Variants in MLIP observed in about 807,000 individuals in gnomAD.
The protein encoded by MLIP is muscular LMNA interacting protein, also known as muscular LMNA-interacting protein.
MLIP carries 79 observed loss-of-function variants against 84.8 expected under a neutral mutation model. That is an observed-to-expected ratio of 0.93 (90% CI 0.78 to 1.12). The LOEUF (loss-of-function observed/expected upper bound fraction) is 1.12, where lower values mean the gene tolerates loss of function less well. Ranked by LOEUF, MLIP falls within the 50% of genes most tolerant of loss-of-function variation. The pLI is 0.00. For synonymous variants in MLIP, 504 were observed against 463.0 expected, an observed-to-expected ratio of 1.09 and a Z score of -1.14; for missense variants, 1,257 against 1,160.6, an observed-to-expected ratio of 1.08 and a Z score of -1.21.
chr6:54,211,805 G>A (rs963759848), intron 11 of MLIP, among the ~76,000 whole-genome samples: 7 of 152,166 alleles, frequency 4.6e-5, no homozygotes, highest in Admixed American at 1.3e-4. Flanking sequence ...AATAATGCTG[G>A]CATTGAGAAA....
intron 9 of MLIP, among the ~76,000 whole-genome samples, chr6:54,175,883 T>C (rs1325256808): frequency 6.6e-6 from 1 of 152,018 alleles, no homozygotes. Context: ...ATATATGGCT[T>C]TTATTATGTT....
At chr6:54,090,713 G>C (rs1033508083) in intron 1 of MLIP, among the ~76,000 whole-genome samples, 16 of 149,312 alleles carry the variant, frequency 1.1e-4, no homozygotes, top group Admixed American at 5.4e-4. Flanking sequence ...GAGAGAGAGG[G>C]ACACACACAC....
At chr6:54,175,466 G>T (rs956452549) in intron 9 of MLIP, among the ~76,000 whole-genome samples, 1 of 151,524 alleles carries the variant, frequency 6.6e-6, no homozygotes, top group Admixed American at 6.6e-5. Flanking sequence ...TCACTTCTTC[G>T]GTTAAGTGAA....
At chr6:54,194,223 T>TG (rs1778138910) in intron 10 of MLIP, among the ~76,000 whole-genome samples, 1 of 152,158 alleles carries the variant, frequency 6.6e-6, no homozygotes, top group East Asian at 1.9e-4. Context: ...CTCATCTTTC[T>TG]GAGGGCCCTT....
chr6:54,132,046 C>T lies in MLIP; in HGVS notation c.646-4669C>T, dbSNP rs1017380382. On this transcript the variant is annotated intron_variant, in intron 3 of 13. Transcript: ENST00000502396. ...ATTCATATTATGGCAATGTTCTGCA[C>T]GTAACAAGCCAGTAAGCCTCAATGC... 5.9e-5 allele frequency among the ~76,000 whole-genome samples: 9 copies of T among 152,098 alleles called. No homozygotes were observed. The South Asian group carries it at 6.2e-4, about 11-fold the overall frequency.
At chr6:54,072,314 T>C (rs1231194363) in intron 1 of MLIP, among the ~76,000 whole-genome samples, 2 of 152,168 alleles carry the variant, frequency 1.3e-5, no homozygotes, top group African/African-American at 4.8e-5. Context: ...CTAGAACTTC[T>C]CTATCCCCAG....
intron 1 of MLIP, among the ~76,000 whole-genome samples, chr6:54,042,933 C>T (rs1426249725): frequency 6.6e-6 from 1 of 152,044 alleles, no homozygotes; most frequent in Non-Finnish European, 1.5e-5. Flanking sequence ...GGGAAGGAAC[C>T]ACGAGTAGTA....
chr6:54,075,279 C>T (rs527444484), intron 1 of MLIP, among the ~76,000 whole-genome samples: 5 of 150,712 alleles, frequency 3.3e-5, no homozygotes, highest in African/African-American at 1.2e-4. Context: ...ATCCTAAAAC[C>T]CTGAATAATA....
chr6:54,170,311 T>C (rs1414134086), intron 9 of MLIP, among the ~76,000 whole-genome samples: 1 of 151,742 alleles, frequency 6.6e-6, no homozygotes, highest in Non-Finnish European at 1.5e-5. Flanking sequence ...GTTTTTATCA[T>C]AATTATGAAG....
At chr6:54,169,464 A>AAGTTGAG in intron 8 of MLIP, 64 bp from the exon 9 acceptor site, 1 of 1,114,828 alleles carries the variant, frequency 9.0e-7, no homozygotes, top group Non-Finnish European at 1.3e-6. Context: ...CACATTCCAG[A>AAGTTGAG]AGTTGAGTCT....
chr6:54,114,033 CTG>C (rs1275791741), intron 1 of MLIP, among the ~76,000 whole-genome samples: 2 of 152,150 alleles, frequency 1.3e-5, no homozygotes, highest in Non-Finnish European at 2.9e-5. Flanking sequence ...TCAGTGTAGA[CTG>C]TGAGAAATTT....
intron 9 of MLIP, among the ~76,000 whole-genome samples, chr6:54,184,448 T>C (rs1326334942): frequency 6.6e-6 from 1 of 152,164 alleles, no homozygotes; most frequent in Non-Finnish European, 1.5e-5. Context: ...AAGGGATACC[T>C]GTCATGAATG....
rs570603820 is a variant in MLIP at position 54,206,302 on chromosome 6, T to C, written c.2718+4069T>C. Among the ~76,000 whole-genome samples the C allele has an allele frequency of 2.0e-5, 3 of 152,254 alleles. No individual in the cohort carries two copies. In the East Asian group the frequency reaches 5.8e-4, roughly 29 times the overall value. ...CTTTATAAATTAATAATGCAACTCATAGTATTAGATATATTGATACTTTCT... is the reference window on the plus strand; with the variant it reads ...CTTTATAAATTAATAATGCAACTCACAGTATTAGATATATTGATACTTTCT... On this transcript the variant is annotated intron_variant, in intron 11 of 13. Transcript: ENST00000502396.
At chr6:54,134,491 G>A (rs940144630) in intron 3 of MLIP, among the ~76,000 whole-genome samples, 12 of 151,494 alleles carry the variant, frequency 7.9e-5, no homozygotes, top group African/African-American at 2.4e-4. Context: ...ATATAAACAT[G>A]GTAAACATCT....
rs1366287115 is a variant in MLIP at position 54,137,469 on chromosome 6, C to G, written c.1400C>G (p.Ser467Ter). The change falls in exon 4 of 14, where the codon TCA becomes TGA. Residue 467 changes from serine to a stop codon, truncating the protein, a stop_gained. Transcript: ENST00000502396. LOFTEE classifies it high-confidence loss of function. ...QTPPTPKKSL[S>*]SCSLRAGSPD... ...CCACCCACGCCTAAAAAATCTCTCTCAAGTTGTTCCCTGAGAGCCGGGTCA... is the reference window on the plus strand; with the variant it reads ...CCACCCACGCCTAAAAAATCTCTCTGAAGTTGTTCCCTGAGAGCCGGGTCA... The G allele has an allele frequency of 6.5e-7, 1 of 1,536,068 alleles. No individual in the cohort carries two copies. Among genetic ancestry groups the G allele is most frequent in the South Asian group, 1.2e-5 (1 of 84,064 alleles).
chr6:54,191,587 G>A (rs867755623), intron 10 of MLIP, among the ~76,000 whole-genome samples: 1 of 152,074 alleles, frequency 6.6e-6, no homozygotes, highest in Non-Finnish European at 1.5e-5. Context: ...TCAAAAGTCC[G>A]GGAGTCTGGA....
intron 1 of MLIP, among the ~76,000 whole-genome samples, chr6:54,118,216 T>C (rs116156150): frequency 0.015 from 2,310 of 152,216 alleles, 62 homozygotes; most frequent in African/African-American, 0.051. Context: ...CCAAAGCAAT[T>C]TGAGCAACAA....
intron 5 of MLIP, among the ~76,000 whole-genome samples, chr6:54,151,195 A>C (rs1466924356): frequency 6.6e-6 from 1 of 152,012 alleles, no homozygotes; most frequent in Non-Finnish European, 1.5e-5. Context: ...AAATTATTCC[A>C]CATACTTTCT....
At chr6:54,204,696 T>C (rs1011074580) in intron 11 of MLIP, among the ~76,000 whole-genome samples, 25 of 152,244 alleles carry the variant, frequency 1.6e-4, no homozygotes, top group African/African-American at 6.0e-4. Flanking sequence ...ATTCTTGTCA[T>C]TAAAAATAAT....
Sources: allele counts gnomAD v4.1 joint callset (sites outside exome capture counted in the v4.1 genomes callset), GRCh38; gene constraint gnomAD v4.1.1; transcripts MANE v1.5; gene names NCBI Gene and HGNC (gene_info 2026-07-23, HGNC 2026-07-21).